Variants in MCM2 observed in about 807,000 individuals in gnomAD.
MCM2 encodes DNA replication licensing factor MCM2.
A neutral mutation model predicts 86.4 loss-of-function variants in MCM2; 49 were observed. That is an observed-to-expected ratio of 0.57 (90% CI 0.45 to 0.72). The LOEUF is 0.72. MCM2 is among the 30% of genes least tolerant of loss of function. The pLI, the probability that MCM2 is intolerant of heterozygous loss-of-function variation, is 0.00. For synonymous variants in MCM2, 475 were observed against 484.6 expected (o/e 0.98, Z 0.26); for missense variants, 1,038 against 1,259.9 (o/e 0.82, Z 2.67).
intron 1 of MCM2, chr3:127,598,852 T>G (rs2074279424): frequency 2.7e-6 from 1 of 374,888 alleles, no homozygotes; most frequent in Non-Finnish European, 4.8e-6. Flanking sequence ...TACTTTTGTA[T>G]TACCTTCTTG....
chr3:127,619,042 C>T lies in MCM2; in HGVS notation c.2029C>T (p.Arg677Cys), dbSNP rs1285837744. The change falls in exon 13 of 16, where the codon CGC becomes TGC. Residue 677 changes from arginine to cysteine, a missense_variant. This residue lies in a region of MCM2 where 336 missense variants were observed against 425.7 expected (regional missense o/e 0.79). Transcript: ENST00000265056. The part of the protein sequence containing the change: ...VDPVQDEMLA[R>C]FVVGSHVRHH... ...CTTATCTTAGGACGAGATGCTGGCC[C>T]GCTTCGTGGTGGGCAGCCACGTCAG... 35 of 1,602,706 alleles carry T rather than the reference C, an allele frequency of 2.2e-5. No homozygotes were observed. Among genetic ancestry groups the T allele is most frequent in the South Asian group, 1.0e-4 (9 of 90,136 alleles).
At chr3:127,601,722 A>T (rs2074307954) in intron 2 of MCM2, among the ~76,000 whole-genome samples, 1 of 152,172 alleles carries the variant, frequency 6.6e-6, no homozygotes, top group Admixed American at 6.6e-5. Context: ...TAGGAGTGAG[A>T]TTGTTGGTCT....
intron 6 of MCM2, among the ~76,000 whole-genome samples, chr3:127,608,177 A>G (rs2074364558): frequency 6.6e-6 from 1 of 152,204 alleles, no homozygotes; most frequent in South Asian, 2.1e-4. Flanking sequence ...TCTGGCCGTC[A>G]GAAGGCATCC....
At chr3:127,601,339 A>T (rs1234458573) in intron 2 of MCM2, among the ~76,000 whole-genome samples, 1 of 152,152 alleles carries the variant, frequency 6.6e-6, no homozygotes, top group Non-Finnish European at 1.5e-5. Context: ...TGCTATGAAC[A>T]TTCATTACAG....
In MCM2 at chr3:127,604,975, CGAG is replaced by C; in HGVS notation, c.496_498del (p.Glu166del). ...GGGCCACGGAGGACGGCGAGGAGGA[CGAG>C]GAGATGATCGAGAGCATCGAGAACC... On this transcript the variant is annotated inframe_deletion, in exon 4 of 16. Coordinates refer to ENST00000265056, the MANE Select transcript of MCM2 (RefSeq NM_004526.4). The C allele has an allele frequency of 6.2e-7, 1 of 1,613,818 alleles. No homozygotes were observed. The highest frequency in any genetic ancestry group is 8.5e-7 in the Non-Finnish European group (1 of 1,179,834).
chr3:127,614,329 T>A (rs1283930432), intron 8 of MCM2, among the ~76,000 whole-genome samples: 1 of 148,502 alleles, frequency 6.7e-6, no homozygotes, highest in African/African-American at 2.5e-5. Context: ...AATTCCTTAA[T>A]ATCCAATATT....
Position 127,618,154 on chromosome 3 carries a change from T to G in MCM2, c.2013+73T>G, listed in dbSNP as rs1284832142. Reference sequence around the variant, plus strand: ...TCAGGTGAGGCTTGGGGTCATACAGTGTGCCCAACACAGGGGACAGGTGCT... The same window carrying G: ...TCAGGTGAGGCTTGGGGTCATACAGGGTGCCCAACACAGGGGACAGGTGCT... On this transcript the variant is annotated intron_variant, in intron 12 of 15. Coordinates refer to ENST00000265056, the MANE Select transcript of MCM2 (RefSeq NM_004526.4). The surrounding 1 kb of genome is among the most constrained non-coding windows in gnomAD (Gnocchi z 4.0). 3.3e-6 allele frequency: 4 copies of G among 1,207,724 alleles called. No individual in the cohort carries two copies. Among genetic ancestry groups the G allele is most frequent in the Non-Finnish European group, 4.9e-6 (4 of 822,800 alleles). The allele number at this position is 1,207,724 out of a possible 1,614,324, so 74.8% of individuals were successfully genotyped here.
At chr3:127,609,758 C>T (rs988251926) in intron 8 of MCM2, among the ~76,000 whole-genome samples, 4 of 151,840 alleles carry the variant, frequency 2.6e-5, no homozygotes, top group Non-Finnish European at 4.4e-5. Flanking sequence ...CTCCATCCTG[C>T]CCCCAGAGCA....
Position 127,619,163 on chromosome 3 carries a change from A to T in MCM2, c.2150A>T (p.Gln717Leu). The change falls in exon 13 of 16, where the codon CAG (glutamine) becomes CTG (leucine). Residue 717 changes from glutamine (Q) to leucine (L), a missense_variant. Gln to Leu is a moderately radical substitution (Grantham distance 113). Coordinates refer to ENST00000265056, the MANE Select transcript of MCM2 (RefSeq NM_004526.4). ...ACGTATGGCGTGGAGCCCCTGCCCC[A>T]GGAGGTCCTGAAGAAGTACATCATC... ...PNTYGVEPLP[Q>L]EVLKKYIIYA... 1 of 1,614,194 alleles carries T rather than the reference A, an allele frequency of 6.2e-7. No individual in the cohort carries two copies. The highest frequency in any genetic ancestry group is 8.5e-7 in the Non-Finnish European group (1 of 1,180,042).
rs143436674 is a variant in MCM2 at position 127,608,189 on chromosome 3, A to G, written c.1102-193A>G. 9.5e-4 allele frequency among the ~76,000 whole-genome samples: 144 copies of G among 152,300 alleles called. 1 individual carries two copies. In the Middle Eastern group the frequency reaches 0.017, roughly 18 times the overall value. On this transcript the variant is annotated intron_variant, in intron 6 of 15. Transcript: ENST00000265056. The stretch of plus-strand genomic sequence containing the variant: ...GAGTCTGGCCGTCAGAAGGCATCCC[A>G]GAGGGATGGTGTGGCAGGAGTGGGG...
chr3:127,605,917 C>T (rs1426407511), intron 4 of MCM2, among the ~76,000 whole-genome samples: 1 of 152,212 alleles, frequency 6.6e-6, no homozygotes, highest in Non-Finnish European at 1.5e-5. Context: ...CACTGTGTGA[C>T]ATGCCCATTT....
rs775414015 is a variant in MCM2 at position 127,599,440 on chromosome 3, C to G, written c.129C>G (p.Gly43=). The change falls in exon 2 of 16, where the codon GGC becomes GGG. Residue 43 remains glycine, a synonymous_variant. Transcript: ENST00000265056. ...RRTDALTSSP[G]RDLPPFEDES... ...CTGATGCCCTCACCTCCAGCCCTGG[C>G]CGTGACCTTCCACCATTTGAGGATG... 1.9e-6 allele frequency: 3 copies of G among 1,614,190 alleles called. No homozygotes were observed. The highest frequency in any genetic ancestry group is 2.2e-5 in the East Asian group (1 of 44,876).
intron 8 of MCM2, among the ~76,000 whole-genome samples, chr3:127,611,631 C>T: frequency 7.0e-6 from 1 of 143,624 alleles, no homozygotes; most frequent in African/African-American, 2.6e-5. Flanking sequence ...TGACTTCTGT[C>T]TTCTGCAGAT....
chr3:127,605,915 G>A (rs1451977524), intron 4 of MCM2, among the ~76,000 whole-genome samples: 2 of 152,170 alleles, frequency 1.3e-5, no homozygotes, highest in Non-Finnish European at 2.9e-5. Context: ...TACACTGTGT[G>A]ACATGCCCAT....
Position 127,620,748 on chromosome 3 carries a change from C to T in MCM2, c.2316C>T (p.Arg772=), listed in dbSNP as rs768551727. 15 of 1,613,178 alleles carry T rather than the reference C, an allele frequency of 9.3e-6. No individual in the cohort carries two copies. The highest frequency in any genetic ancestry group is 1.3e-5 in the Non-Finnish European group (15 of 1,179,284). ...TGCGGCACATCGAGTCCATGATCCGCATGGCGGAGGCCCACGCGCGCATCC... is the reference window on the plus strand; with the variant it reads ...TGCGGCACATCGAGTCCATGATCCGTATGGCGGAGGCCCACGCGCGCATCC... The part of the protein sequence containing the change: ...ITVRHIESMI[R]MAEAHARIHL... The change falls in exon 14 of 16, where the codon CGC becomes CGT. Residue 772 remains arginine (R), a synonymous_variant. Coordinates refer to ENST00000265056, the MANE Select transcript of MCM2 (RefSeq NM_004526.4).
intron 6 of MCM2, among the ~76,000 whole-genome samples, chr3:127,607,057 T>G (rs768360420): frequency 1.3e-4 from 20 of 152,354 alleles, no homozygotes; most frequent in Middle Eastern, 3.4e-3. Flanking sequence ...GTTTAAACCA[T>G]ACAAGTTTAT....
chr3:127,606,433 G>T lies in MCM2; in HGVS notation c.893+96G>T. 2 of 1,318,278 alleles carry T rather than the reference G, an allele frequency of 1.5e-6. No individual in the cohort carries two copies. The highest frequency in any genetic ancestry group is 2.1e-6 in the Non-Finnish European group (2 of 939,770). The allele number at this position is 1,318,278 out of a possible 1,614,324, so 81.7% of individuals were successfully genotyped here. A position where few individuals can be genotyped will look rare whatever the true frequency, so the allele number is the denominator to read the frequency against. ...AGCGATTGTGGTGTGGGCGGGGAGG[G>T]TGCAGCCAGCAGCATCCTCATCGCA... On this transcript the variant is annotated intron_variant, in intron 5 of 15. Coordinates refer to ENST00000265056, the MANE Select transcript of MCM2 (RefSeq NM_004526.4). This position sits in a 1 kb window ranked among gnomAD's most constrained non-coding sequence, Gnocchi z 4.2.
intron 6 of MCM2, among the ~76,000 whole-genome samples, chr3:127,607,324 T>C (rs2074359161): frequency 6.6e-6 from 1 of 152,266 alleles, no homozygotes. Flanking sequence ...GCACATGTAA[T>C]GTGCCTTTGT....
rs2074371570 is a variant in MCM2, at chr3:127,608,903, C to T, written c.1308C>T (p.Ala436=). The T allele has an allele frequency of 2.5e-6, 4 of 1,614,010 alleles. No homozygotes were observed. The highest frequency in any genetic ancestry group is 2.2e-5 in the East Asian group (1 of 44,892). The change falls in exon 8 of 16, where the codon GCC becomes GCT. Residue 436 remains alanine, a synonymous_variant. Coordinates refer to ENST00000265056, the MANE Select transcript of MCM2 (RefSeq NM_004526.4). ...CTGCCAATGGCTTCCCTGTCTTTGC[C>T]ACTGTCATCCTAGCCAACCACGTGG... ...LNTANGFPVF[A]TVILANHVAK... is the part of the protein sequence containing the mutation.
Sources: gnomAD v4.1 joint callset for allele counts (sites outside exome capture counted in the v4.1 genomes callset) on GRCh38, gnomAD v4.1.1 for gene constraint, gnomAD v4.1.1 regional missense constraint, Gnocchi (gnomAD v3.1) non-coding constraint, MANE v1.5 for transcripts, NCBI Gene and HGNC (gene_info 2026-07-23, HGNC 2026-07-21) for gene names.